The following HAO1 variants were observed in gnomAD, a reference collection of about 807,000 sequenced individuals.
HAO1 encodes the protein hydroxyacid oxidase 1.
Under a neutral mutation model 39.7 loss-of-function variants are expected in HAO1, and 34 were observed. The observed-to-expected ratio is 0.86, with a 90% confidence interval of 0.65 to 1.14. The LOEUF (loss-of-function observed/expected upper bound fraction) is 1.14, where lower values mean the gene tolerates loss of function less well. HAO1 is among the 50% of genes most tolerant of loss of function. The pLI is 0.00. For synonymous variants in HAO1, 172 were observed against 173.2 expected, an observed-to-expected ratio of 0.99 and a Z score of 0.05; for missense variants, 479 against 464.5, an observed-to-expected ratio of 1.03 and a Z score of -0.29.
chr20:7,920,089 T>G (rs1037859827), intron 2 of HAO1, among the ~76,000 whole-genome samples: 12 of 152,138 alleles, frequency 7.9e-5, no homozygotes, highest in African/African-American at 2.7e-4. Context: ...GGCAGGGAAC[T>G]GTAATCCCCA....
At chr20:7,896,391 T>C (rs1398035294) in intron 4 of HAO1, among the ~76,000 whole-genome samples, 2 of 152,162 alleles carry the variant, frequency 1.3e-5, no homozygotes, top group Non-Finnish European at 1.5e-5. Flanking sequence ...TGGTAATCTG[T>C]AAAATTAAGC....
intron 5 of HAO1, among the ~76,000 whole-genome samples, chr20:7,891,649 A>G (rs530612839): frequency 7.8e-4 from 119 of 152,224 alleles, no homozygotes; most frequent in Middle Eastern, 3.4e-3. Context: ...TTTCAATGTT[A>G]TCTTACAGAA....
intron 5 of HAO1, among the ~76,000 whole-genome samples, chr20:7,894,609 C>T (rs1817751871): frequency 6.6e-6 from 1 of 152,042 alleles, no homozygotes; most frequent in Admixed American, 6.6e-5. Context: ...TCCCGTTGCC[C>T]GGACCTAAGC....
chr20:7,898,008 A>T (rs2122759421), intron 4 of HAO1, among the ~76,000 whole-genome samples: 1 of 152,298 alleles, frequency 6.6e-6, no homozygotes, highest in East Asian at 1.9e-4. Flanking sequence ...TGTCAGAATC[A>T]GGACAGCATC....
intron 5 of HAO1, among the ~76,000 whole-genome samples, chr20:7,888,504 C>A (rs2050160234): frequency 6.6e-6 from 1 of 152,132 alleles, no homozygotes; most frequent in African/African-American, 2.4e-5. Context: ...GTAGATGGAA[C>A]CAGAGGTGCT....
intron 5 of HAO1, among the ~76,000 whole-genome samples, chr20:7,894,143 G>A (rs1007342452): frequency 3.9e-5 from 6 of 151,976 alleles, no homozygotes; most frequent in Admixed American, 1.3e-4. Flanking sequence ...AACGGCCCCC[G>A]GCCCCCATTC....
chr20:7,913,979 AC>A (rs1438232901), intron 3 of HAO1, among the ~76,000 whole-genome samples, 184 bp downstream of exon 3: 2 of 152,102 alleles, frequency 1.3e-5, no homozygotes, highest in Non-Finnish European at 2.9e-5. Context: ...AATTTATTGG[AC>A]TTTTATAGAG....
intron 1 of HAO1, among the ~76,000 whole-genome samples, chr20:7,938,683 A>G (rs982250020): frequency 2.7e-5 from 4 of 149,554 alleles, no homozygotes; most frequent in African/African-American, 5.1e-5. Flanking sequence ...CCACTTGGCC[A>G]ACTATTTTGG....
At chr20:7,927,122 C>A (rs539257246) in intron 2 of HAO1, among the ~76,000 whole-genome samples, 8 of 152,062 alleles carry the variant, frequency 5.3e-5, no homozygotes, top group Non-Finnish European at 1.0e-4. Context: ...TTTATTATAG[C>A]TACTGTGCAT....
At chr20:7,926,195 A>G (rs1248363208) in intron 2 of HAO1, among the ~76,000 whole-genome samples, 1 of 152,110 alleles carries the variant, frequency 6.6e-6, no homozygotes, top group African/African-American at 2.4e-5. Context: ...CATCACCACC[A>G]TTACTGGCAC....
At position 7,895,004 on chromosome 20, in the gene HAO1, A is replaced by G. The variant is rs903528858; in HGVS notation, c.813+129T>C. The G allele has an allele frequency of 6.1e-6, 4 of 660,498 alleles. No individual in the cohort carries two copies. In the African/African-American group the frequency reaches 7.1e-5, roughly 12 times the overall value. 40.9% of individuals were successfully genotyped at this position (660,498 alleles called of 1,614,324 possible). On this transcript the variant is annotated intron_variant, in intron 5 of 7. Transcript: ENST00000378789. The stretch of plus-strand genomic sequence containing the variant: ...CTAAACTTAAAATCCAAGATCTCAC[A>G]TATTTGCACGTATTTCACCTTGAGT...
intron 5 of HAO1, among the ~76,000 whole-genome samples, chr20:7,894,365 T>C (rs975572916): frequency 2.6e-5 from 4 of 152,150 alleles, no homozygotes; most frequent in Non-Finnish European, 5.9e-5. Flanking sequence ...CTTTTACATC[T>C]AGATTTTGGA....
intron 2 of HAO1, among the ~76,000 whole-genome samples, chr20:7,933,935 C>A (rs2050397964): frequency 6.6e-6 from 1 of 152,174 alleles, no homozygotes; most frequent in Non-Finnish European, 1.5e-5. Flanking sequence ...AAAAAAGAAT[C>A]ATGACCCAAA....
chr20:7,902,195 T>C (rs1305648180), intron 4 of HAO1, among the ~76,000 whole-genome samples: 1 of 152,232 alleles, frequency 6.6e-6, no homozygotes, highest in Non-Finnish European at 1.5e-5. Flanking sequence ...GACTCCAATG[T>C]TGAAAAAGTT....
rs912331888 is a variant in HAO1, at chr20:7,934,496, C to T, written c.277G>A (p.Ala93Thr). The change falls in exon 2 of 8, where the codon GCC becomes ACC. Residue 93 changes from alanine (A) to threonine (T), a missense_variant. Ala to Thr is a moderately conservative substitution (Grantham distance 58). Coordinates refer to ENST00000378789, the MANE Select transcript of HAO1 (RefSeq NM_017545.3). ...QRMAHVDGELATVRACQSLGT... is the reference protein window; with the variant it reads ...QRMAHVDGELTTVRACQSLGT... ...ATCTTCCTCCTACCTCTCACAGTGG[C>T]AAGCTCGCCGTCCACATGAGCCATG... 6.2e-7 allele frequency: 1 copy of T among 1,609,828 alleles called. No individual in the cohort carries two copies. The highest frequency in any genetic ancestry group is 1.3e-5 in the African/African-American group (1 of 74,582).
At chr20:7,904,074 A>G (rs1212025957) in intron 4 of HAO1, among the ~76,000 whole-genome samples, 3 of 152,230 alleles carry the variant, frequency 2.0e-5, no homozygotes, top group Admixed American at 6.5e-5. Context: ...GTTAAAAAAT[A>G]AAATGACCTC....
At chr20:7,918,666 T>C (rs1418823470) in intron 2 of HAO1, among the ~76,000 whole-genome samples, 1 of 152,234 alleles carries the variant, frequency 6.6e-6, no homozygotes, top group Non-Finnish European at 1.5e-5. Flanking sequence ...GCTGAGTATC[T>C]CTTCCAATTG....
At position 7,891,283 on chromosome 20, in the gene HAO1, C is replaced by G. The variant is rs1377319621; in HGVS notation, c.813+3850G>C. 2.6e-5 allele frequency among the ~76,000 whole-genome samples: 4 copies of G among 152,242 alleles called. No individual in the cohort carries two copies. The East Asian group carries it at 7.7e-4, about 29-fold the overall frequency. On this transcript the variant is annotated intron_variant, in intron 5 of 7. Coordinates refer to ENST00000378789, the MANE Select transcript of HAO1 (RefSeq NM_017545.3). ...CACATTGTGGTTTTGATTTGCATTTCCCTGATCATTAGTGATGTTGAGCAT... is the reference window on the plus strand; with the variant it reads ...CACATTGTGGTTTTGATTTGCATTTGCCTGATCATTAGTGATGTTGAGCAT...
At chr20:7,896,775 T>G (rs1600107855) in intron 4 of HAO1, among the ~76,000 whole-genome samples, 1 of 152,324 alleles carries the variant, frequency 6.6e-6, no homozygotes, top group African/African-American at 2.4e-5. Flanking sequence ...TATCCAGTTC[T>G]TCAAACTTTT....
Sources: allele counts gnomAD v4.1 joint callset (sites outside exome capture counted in the v4.1 genomes callset), GRCh38; gene constraint gnomAD v4.1.1; transcripts MANE v1.5; gene names NCBI Gene and HGNC (gene_info 2026-07-23, HGNC 2026-07-21).